The following SYDE2 variants were observed in gnomAD, a reference collection of about 807,000 sequenced individuals.
SYDE2 encodes rho GTPase-activating protein SYDE2.
Under a neutral mutation model 91.5 loss-of-function variants are expected in SYDE2, and 76 were observed. That is an observed-to-expected ratio of 0.83 (90% CI 0.69 to 1.01). SYDE2 has a LOEUF of 1.01. SYDE2 is among the 50% of genes least tolerant of loss of function. The pLI is 0.00. For synonymous variants in SYDE2, 513 were observed against 506.4 expected, an observed-to-expected ratio of 1.01 and a Z score of -0.18; for missense variants, 1,364 against 1,367.7, an observed-to-expected ratio of 1.00 and a Z score of 0.04.
At chr1:85,197,560 A>G (rs1658634422) in intron 1 of SYDE2, among the ~76,000 whole-genome samples, 1 of 152,252 alleles carries the variant, frequency 6.6e-6, no homozygotes, top group East Asian at 1.9e-4. Context: ...ATGATTTAAA[A>G]GTAGAAGTCA....
At chr1:85,184,506 C>A (rs553652942) in intron 2 of SYDE2, among the ~76,000 whole-genome samples, 6 of 152,168 alleles carry the variant, frequency 3.9e-5, no homozygotes, top group African/African-American at 9.6e-5. Context: ...AACAATACTA[C>A]CCTACATGTA....
At chr1:85,170,526 C>A (rs1206246147) in intron 4 of SYDE2, among the ~76,000 whole-genome samples, 2 of 152,162 alleles carry the variant, frequency 1.3e-5, no homozygotes, top group African/African-American at 4.8e-5. Context: ...CCAAAATGCT[C>A]TAAAATCCAA....
At chr1:85,178,591 C>A (rs1657799103) in intron 3 of SYDE2, among the ~76,000 whole-genome samples, 2 of 152,108 alleles carry the variant, frequency 1.3e-5, no homozygotes, top group Non-Finnish European at 2.9e-5. Flanking sequence ...CGCCCTTTCA[C>A]ATCTTTTGTT....
intron 4 of SYDE2, among the ~76,000 whole-genome samples, chr1:85,176,874 A>G (rs561626530): frequency 1.3e-5 from 2 of 152,314 alleles, no homozygotes; most frequent in East Asian, 3.9e-4. Context: ...CTACTTTCGC[A>G]TATGCTTGAA....
downstream of SYDE2, chr1:85,153,375 T>C (rs1169411015): frequency 6.6e-6 from 1 of 152,242 alleles, no homozygotes; most frequent in Non-Finnish European, 1.5e-5. Context: ...TTAGACCTGT[T>C]GATGGCTGGG....
intron 2 of SYDE2, among the ~76,000 whole-genome samples, chr1:85,187,069 T>C (rs929809269): frequency 4.0e-5 from 6 of 151,494 alleles, no homozygotes; most frequent in African/African-American, 1.5e-4. Context: ...ACCATCAGAG[T>C]GAACAGGCAA....
chr1:85,166,355 T>A (rs1355610699), intron 5 of SYDE2, among the ~76,000 whole-genome samples: 3 of 151,836 alleles, frequency 2.0e-5, no homozygotes, highest in Non-Finnish European at 4.4e-5. Context: ...AAAAAAAATT[T>A]TTTTTTTTTT....
intron 3 of SYDE2, among the ~76,000 whole-genome samples, chr1:85,180,059 G>A (rs569713484): frequency 1.3e-5 from 2 of 152,192 alleles, no homozygotes; most frequent in Admixed American, 6.5e-5. Context: ...GTACATGCTC[G>A]ATGCCTCTAT....
At chr1:85,172,824 T>TG (rs1657549900) in intron 4 of SYDE2, among the ~76,000 whole-genome samples, 2 of 152,236 alleles carry the variant, frequency 1.3e-5, no homozygotes, top group African/African-American at 4.8e-5. Flanking sequence ...TGCCTAGACA[T>TG]GACTCAGGAA....
At chr1:85,176,785 G>A (rs1056133874) in intron 4 of SYDE2, among the ~76,000 whole-genome samples, 7 of 152,086 alleles carry the variant, frequency 4.6e-5, no homozygotes, top group African/African-American at 1.7e-4. Flanking sequence ...AGCAAATGGG[G>A]GGATGAATGA....
At position 85,158,593 on chromosome 1, in the gene SYDE2, TAATG is replaced by T. The variant is rs1259532480; in HGVS notation, c.*153_*156del. The T allele has an allele frequency of 1.3e-5, 7 of 520,016 alleles. No individual in the cohort carries two copies. Among genetic ancestry groups the T allele is most frequent in the East Asian group, 9.8e-5 (3 of 30,696 alleles). 32.2% of individuals were successfully genotyped at this position (520,016 alleles called of 1,614,324 possible). Reference sequence around the variant, plus strand: ...CTAGTGAGATAAGTAAAAATTGTATTAATGAATAGTGTTTTTAATTGAATCAGAT... The same window carrying T: ...CTAGTGAGATAAGTAAAAATTGTATTAATAGTGTTTTTAATTGAATCAGAT... On this transcript the variant is annotated 3_prime_UTR_variant, in exon 7 of 7. Coordinates refer to ENST00000341460, the MANE Select transcript of SYDE2 (RefSeq NM_032184.2).
In SYDE2 at chr1:85,169,008, T is replaced by G. The variant is rs768794674; in HGVS notation, c.2853+36A>C. On this transcript the variant is annotated intron_variant, in intron 5 of 6. Transcript: ENST00000341460. Reference sequence around the variant, plus strand: ...GGAGGTAGGTATACAGTTCATTAACTGGCTTTCAGGAAAAATGTATACTGG... The same window carrying G: ...GGAGGTAGGTATACAGTTCATTAACGGGCTTTCAGGAAAAATGTATACTGG... The G allele has an allele frequency of 1.1e-4, 177 of 1,591,070 alleles. 1 individual carries two copies. The highest frequency in any genetic ancestry group is 1.4e-4 in the Non-Finnish European group (168 of 1,159,544).
Position 85,200,600 on chromosome 1 carries a change from G to T in SYDE2, c.397C>A (p.Arg133Ser). The change falls in exon 1 of 7, where the codon CGC becomes AGC. Residue 133 changes from arginine to serine, a missense_variant. By Grantham distance (110) the Arg-to-Ser change is moderately radical (BLOSUM62 -1). Transcript: ENST00000341460. ...CCGGTGGGTGCAGCCGCCCGGGCGC[G>T]GTCCCCACTCCAGCCGTCCATCCTG... ...GGRMDGWSGD[R>S]ARAAAPTGLQ... The T allele has an allele frequency of 6.4e-7, 1 of 1,566,546 alleles. No homozygotes were observed. Among genetic ancestry groups the T allele is most frequent in the Non-Finnish European group, 8.6e-7 (1 of 1,160,608 alleles).
Position 85,190,578 on chromosome 1 carries a change from T to C in SYDE2, c.920A>G (p.Lys307Arg). 2 of 1,613,866 alleles carry C rather than the reference T, an allele frequency of 1.2e-6. No homozygotes were observed. Residue 307 changes from lysine (K) to arginine (R), a missense_variant, in exon 2 of 7, where the codon AAA (lysine) becomes AGA (arginine). Transcript: ENST00000341460. ...RPLNLEEENK[K>R]CQDRSHLSIS... ...GGATAAATGACTTCTATCTTGGCAT[T>C]TCTTATTTTCTTCTTCCAGATTAAG...
chr1:85,200,875 CG>C lies in SYDE2; in HGVS notation c.121del (p.Arg41GlufsTer126), dbSNP rs1258462354. On this transcript the variant is annotated frameshift_variant, in exon 1 of 7. Coordinates refer to ENST00000341460, the MANE Select transcript of SYDE2 (RefSeq NM_032184.2). LOFTEE classifies it high-confidence loss of function. ...QPPSRGAAYRRACPRDGERGG... is the reference protein window; with the variant it reads ...QPPSRGAAYRXACPRDGERGG... ...CCGCTCCCCGTCCCGGGGGCAGGCT[CG>C]GCGGTACGCGGCGCCGCGGGAAGGC... 4 of 1,342,434 alleles carry C rather than the reference CG, an allele frequency of 3.0e-6. No homozygotes were observed. The highest frequency in any genetic ancestry group is 3.8e-6 in the Non-Finnish European group (4 of 1,056,830). The allele number at this position is 1,342,434 out of a possible 1,614,324, so 83.2% of individuals were successfully genotyped here.
chr1:85,190,144 C>A lies in SYDE2; in HGVS notation c.1354G>T (p.Val452Leu), dbSNP rs1440644770. Reference sequence around the variant, plus strand: ...CCTAGCTTTTGCTTGTACTGCTGCACAAATTCTGTGGAATGGGCAGGATGT... The same window carrying A: ...CCTAGCTTTTGCTTGTACTGCTGCAAAAATTCTGTGGAATGGGCAGGATGT... ...PIHPAHSTEF[V>L]QQYKQKLGHK... is the part of the protein sequence containing the mutation. The change falls in exon 2 of 7, where the codon GTG becomes TTG. Residue 452 changes from valine to leucine, a missense_variant. Transcript: ENST00000341460. 5.6e-6 allele frequency: 9 copies of A among 1,613,864 alleles called. No homozygotes were observed. The highest frequency in any genetic ancestry group is 7.6e-6 in the Non-Finnish European group (9 of 1,179,902).
chr1:85,186,048 G>A (rs1391806386), intron 2 of SYDE2, among the ~76,000 whole-genome samples: 1 of 151,640 alleles, frequency 6.6e-6, no homozygotes, highest in Non-Finnish European at 1.5e-5. Flanking sequence ...CATCTATTGA[G>A]ATAATCATGT....
Position 85,190,100 on chromosome 1 carries a change from A to T in SYDE2, c.1398T>A (p.Gly466=), listed in dbSNP as rs767854992. The T allele has an allele frequency of 1.3e-5, 21 of 1,613,654 alleles. No individual in the cohort carries two copies. The highest frequency in any genetic ancestry group is 1.7e-5 in the Non-Finnish European group (20 of 1,179,792). ...ACATGGGACTGTCCTCCACCATTAT[A>T]CCTTCTTGTGTCTTGTGTCCTAGCT... The part of the protein sequence containing the change: ...KQKLGHKTQE[G]IMVEDSPMLK... Residue 466 remains glycine (G), a synonymous_variant, in exon 2 of 7, where the codon GGT becomes GGA. Coordinates refer to ENST00000341460, the MANE Select transcript of SYDE2 (RefSeq NM_032184.2).
chr1:85,169,093 T>C lies in SYDE2; in HGVS notation c.2804A>G (p.Asp935Gly), dbSNP rs1261655891. 1.2e-6 allele frequency: 2 copies of C among 1,613,866 alleles called. No homozygotes were observed. Among genetic ancestry groups the C allele is most frequent in the Non-Finnish European group, 8.5e-7 (1 of 1,179,828 alleles). ...CAGCAGGTCAACAGTGTACTTAGAG[T>C]CACCTGGGTCATTCTCACAACCATT... ...SSNGCENDPG[D>G]SKYTVDLLDC... is the part of the protein sequence containing the mutation. The change falls in exon 5 of 7, where the codon GAC (aspartate) becomes GGC (glycine). Residue 935 changes from aspartate (D) to glycine (G), a missense_variant. Physicochemically the swap from Asp to Gly is moderately conservative, Grantham distance 94 (BLOSUM62 -1). Transcript: ENST00000341460.
Sources: gnomAD v4.1 joint callset for allele counts (sites outside exome capture counted in the v4.1 genomes callset) on GRCh38, gnomAD v4.1.1 for gene constraint, MANE v1.5 for transcripts, NCBI Gene and HGNC (gene_info 2026-07-23, HGNC 2026-07-21) for gene names.